The following ZSWIM8 variants were observed in gnomAD, a reference collection of about 807,000 sequenced individuals.
ZSWIM8 encodes zinc finger SWIM domain-containing protein 8.
ZSWIM8 carries 27 observed loss-of-function variants against 173.7 expected under a neutral mutation model. That is an observed-to-expected ratio of 0.16 (90% confidence interval 0.11 to 0.21). ZSWIM8 has a LOEUF of 0.21. ZSWIM8 is among the 10% of genes least tolerant of loss of function. The pLI, the probability that ZSWIM8 is intolerant of heterozygous loss-of-function variation, is 1.00. For synonymous variants in ZSWIM8, 958 were observed against 962.0 expected (o/e 1.00, Z 0.08); for missense variants, 1,627 against 2,428.8 (o/e 0.67, Z 6.94).
At chr10:73,799,904 C>CTA (rs2132812816) in intron 21 of ZSWIM8, 107 bp from the exon 22 acceptor site, 8 of 1,132,082 alleles carry the variant, frequency 7.1e-6, no homozygotes, top group Non-Finnish European at 1.0e-5. Flanking sequence ...CAGAGCGAGA[C>CTA]TCTATCTCAA....
chr10:73,786,486 G>C (rs2083231564), intron 1 of ZSWIM8: 1 of 181,104 alleles, frequency 5.5e-6, no homozygotes, highest in South Asian at 1.8e-4. Flanking sequence ...AGTTCAGTCT[G>C]AGGCATACCG....
Position 73,794,842 on chromosome 10 carries a change from C to T in ZSWIM8, c.2908+203C>T, listed in dbSNP as rs548530393. 1.5e-5 allele frequency: 6 copies of T among 402,184 alleles called. No individual in the cohort carries two copies. In the East Asian group the frequency reaches 3.2e-4, roughly 21 times the overall value. The allele number at this position is 402,184 out of a possible 1,614,324, so 24.9% of individuals were successfully genotyped here. On this transcript the variant is annotated intron_variant, in intron 14 of 25. Transcript: ENST00000604729. ...GTGGCCCATGCTTGTAATCGCAGCGCTTTGGGAGGCTGAAGCAGGAGGATT... is the reference window on the plus strand; with the variant it reads ...GTGGCCCATGCTTGTAATCGCAGCGTTTTGGGAGGCTGAAGCAGGAGGATT...
At chr10:73,787,763 G>A (rs191644487) in intron 1 of ZSWIM8, among the ~76,000 whole-genome samples, 2 of 152,242 alleles carry the variant, frequency 1.3e-5, no homozygotes, top group East Asian at 1.9e-4. Flanking sequence ...TGAGGTGGGA[G>A]GTAAGTTTGA....
chr10:73,788,952 TG>T, intron 2 of ZSWIM8, 129 bp downstream of exon 2: 1 of 1,416,210 alleles, frequency 7.1e-7, no homozygotes, highest in Non-Finnish European at 9.7e-7. Flanking sequence ...AGGGATTGCC[TG>T]GGATTCCACT....
Position 73,789,574 on chromosome 10 carries a change from A to G in ZSWIM8, c.630+35A>G. The G allele has an allele frequency of 6.2e-7, 1 of 1,602,334 alleles. No homozygotes were observed. The highest frequency in any genetic ancestry group is 8.5e-7 in the Non-Finnish European group (1 of 1,175,176). ...TCCCAATTTATCCCGGCCCTATCCT[A>G]CACTCCATCCCCCCCTTCTCTGCTG... On this transcript the variant is annotated intron_variant, in intron 4 of 25. Transcript: ENST00000604729. This position sits in a 1 kb window ranked among gnomAD's most constrained non-coding sequence, Gnocchi z 6.8.
intron 1 of ZSWIM8, among the ~76,000 whole-genome samples, chr10:73,787,333 A>G (rs2083263674): frequency 6.6e-6 from 1 of 152,126 alleles, no homozygotes; most frequent in Admixed American, 6.5e-5. Context: ...ACAAACACAC[A>G]CAGATCATAG....
At position 73,785,832 on chromosome 10, in the gene ZSWIM8, G is replaced by A; in HGVS notation, c.-47G>A. 6.8e-7 allele frequency: 1 copy of A among 1,461,560 alleles called. No individual in the cohort carries two copies. The highest frequency in any genetic ancestry group is 1.5e-5 in the African/African-American group (1 of 67,658). The allele number at this position is 1,461,560 out of a possible 1,614,324, so 90.5% of individuals were successfully genotyped here. The stretch of plus-strand genomic sequence containing the variant: ...CCTCAACCCCCGGCCGGCGGCCCAG[G>A]CCCCGGATCCGCGGGGGGGGACCCG... On this transcript the variant is annotated 5_prime_UTR_variant, in exon 1 of 26. Transcript: ENST00000604729.
At chr10:73,790,471 C>A (rs1366506340) in intron 7 of ZSWIM8, among the ~76,000 whole-genome samples, 179 bp downstream of exon 7, 1 of 152,236 alleles carries the variant, frequency 6.6e-6, no homozygotes, top group Non-Finnish European at 1.5e-5. Context: ...CTTGTACAGT[C>A]ACAGAGTGGT....
Position 73,801,565 on chromosome 10 carries a change from A to C in ZSWIM8, c.*46A>C, listed in dbSNP as rs373036991. The C allele has an allele frequency of 6.2e-7, 1 of 1,601,104 alleles. No individual in the cohort carries two copies. The highest frequency in any genetic ancestry group is 1.1e-5 in the South Asian group (1 of 89,858). On this transcript the variant is annotated 3_prime_UTR_variant, in exon 26 of 26. Transcript: ENST00000604729. This position sits in a 1 kb window ranked among gnomAD's most constrained non-coding sequence, Gnocchi z 4.9. The stretch of plus-strand genomic sequence containing the variant: ...TATACAGGGACCCAGGCCTGTGGCT[A>C]TGGGGGCCCCTCACACAGGGGGAGT...
rs2083474868 is a variant in ZSWIM8 at position 73,792,984 on chromosome 10, C to T, written c.2313+132C>T. ...CCTGTTGCAGGCGCCGAACTGGTCT[C>T]CCTGCTTTCAGTCTACTCACTTTTC... On this transcript the variant is annotated intron_variant, in intron 10 of 25. Coordinates refer to ENST00000604729, the MANE Select transcript of ZSWIM8 (RefSeq NM_001367799.1). The surrounding 1 kb of genome is among the most constrained non-coding windows in gnomAD (Gnocchi z 4.3). 2.7e-6 allele frequency: 3 copies of T among 1,111,988 alleles called. No homozygotes were observed. Among genetic ancestry groups the T allele is most frequent in the Non-Finnish European group, 3.8e-6 (3 of 796,536 alleles). 68.9% of individuals were successfully genotyped at this position (1,111,988 alleles called of 1,614,324 possible).
chr10:73,794,130 C>T lies in ZSWIM8; in HGVS notation c.2626-17C>T. ...TATTGACACACCAGAGGTCTGAGCT[C>T]CTTCCTGTGCCCTCAGGTGAAGCTG... On this transcript the variant is annotated splice_polypyrimidine_tract_variant and intron_variant, in intron 12 of 25. Transcript: ENST00000604729. 1.2e-6 allele frequency: 2 copies of T among 1,613,686 alleles called. No homozygotes were observed. Among genetic ancestry groups the T allele is most frequent in the East Asian group, 2.2e-5 (1 of 44,870 alleles).
At chr10:73,790,878 T>G in intron 7 of ZSWIM8, 97 bp from the exon 8 acceptor site, 2 of 1,237,074 alleles carry the variant, frequency 1.6e-6, no homozygotes, top group Non-Finnish European at 2.2e-6. Flanking sequence ...CAGATGTCTT[T>G]TTCCCTCTAT....
At chr10:73,787,536 G>A (rs1011942150) in intron 1 of ZSWIM8, among the ~76,000 whole-genome samples, 1 of 152,118 alleles carries the variant, frequency 6.6e-6, no homozygotes, top group African/African-American at 2.4e-5. Context: ...CCAGTCCCCC[G>A]ACTTCAGTCA....
Position 73,792,894 on chromosome 10 carries a change from ACAACTGGGAGG to A in ZSWIM8, c.2313+43_2313+53del, listed in dbSNP as rs773260114. 4.7e-5 allele frequency: 71 copies of A among 1,510,518 alleles called. No individual in the cohort carries two copies. The African/African-American group carries it at 9.3e-4, about 20-fold the overall frequency. The allele number at this position is 1,510,518 out of a possible 1,614,324, so 93.6% of individuals were successfully genotyped here. ...AGGGAGGGCTGGGTGCTCCTTAGCC[ACAACTGGGAGG>A]GGCTATCTAGCTCTAGTTGGGAGTG... On this transcript the variant is annotated intron_variant, in intron 10 of 25. Coordinates refer to ENST00000604729, the MANE Select transcript of ZSWIM8 (RefSeq NM_001367799.1). The surrounding 1 kb of genome is among the most constrained non-coding windows in gnomAD (Gnocchi z 4.3).
Position 73,786,101 on chromosome 10 carries a change from G to T in ZSWIM8, c.208+15G>T, listed in dbSNP as rs755737098. 2 of 1,538,366 alleles carry T rather than the reference G, an allele frequency of 1.3e-6. No homozygotes were observed. Among genetic ancestry groups the T allele is most frequent in the Admixed American group, 1.9e-5 (1 of 52,664 alleles). On this transcript the variant is annotated intron_variant, in intron 1 of 25. Coordinates refer to ENST00000604729, the MANE Select transcript of ZSWIM8 (RefSeq NM_001367799.1). Reference sequence around the variant, plus strand: ...CAGAATGCGAGGTGAGAGTGAGCTGGGGGGAAGAGGAGCGGCAGGCCCTGC... The same window carrying T: ...CAGAATGCGAGGTGAGAGTGAGCTGTGGGGAAGAGGAGCGGCAGGCCCTGC...
In ZSWIM8 at chr10:73,796,781, A is replaced by G; in HGVS notation, c.3041A>G (p.Asp1014Gly). The change falls in exon 16 of 26, where the codon GAC becomes GGC. Residue 1014 changes from aspartate to glycine, a missense_variant. This residue lies in a region of ZSWIM8 where 163 missense variants were observed against 193.2 expected (regional missense o/e 0.84). Coordinates refer to ENST00000604729, the MANE Select transcript of ZSWIM8 (RefSeq NM_001367799.1). ...ACTGCTTCTGTCTTCCAGATCTTAG[A>G]CAAACTCTTGGACCGAGAGAGCCAG... ...DDQAKLKKIL[D>G]KLLDRESQTH... 1 of 1,613,238 alleles carries G rather than the reference A, an allele frequency of 6.2e-7. No individual in the cohort carries two copies. Among genetic ancestry groups the G allele is most frequent in the Non-Finnish European group, 8.5e-7 (1 of 1,179,864 alleles).
chr10:73,798,978 A>G (rs1286243637), intron 20 of ZSWIM8, 24 bp from the exon 21 acceptor site: 1 of 1,587,074 alleles, frequency 6.3e-7, no homozygotes, highest in African/African-American at 1.3e-5. Flanking sequence ...TTCCCCCTTA[A>G]CACTCTGTGC....
Position 73,796,799 on chromosome 10 carries a change from A to G in ZSWIM8, c.3059A>G (p.Glu1020Gly). 1.2e-6 allele frequency: 2 copies of G among 1,613,838 alleles called. No homozygotes were observed. The highest frequency in any genetic ancestry group is 1.7e-6 in the Non-Finnish European group (2 of 1,179,896). ...KKILDKLLDR[E>G]SQTHKPQTLS... ...ATCTTAGACAAACTCTTGGACCGAGAGAGCCAGACACATAAGCCACAGACG... is the reference window on the plus strand; with the variant it reads ...ATCTTAGACAAACTCTTGGACCGAGGGAGCCAGACACATAAGCCACAGACG... Residue 1020 changes from glutamate to glycine, a missense_variant, in exon 16 of 26, where the codon GAG becomes GGG. By Grantham distance (98) the Glu-to-Gly change is moderately conservative. Around this residue, in one of 18 missense-constraint regions of ZSWIM8, gnomAD observed 163 missense variants for 193.2 expected, o/e 0.84. Coordinates refer to ENST00000604729, the MANE Select transcript of ZSWIM8 (RefSeq NM_001367799.1).
chr10:73,800,936 G>C lies in ZSWIM8; in HGVS notation c.5123-81G>C. The C allele has an allele frequency of 7.1e-7, 1 of 1,403,616 alleles. No individual in the cohort carries two copies. The highest frequency in any genetic ancestry group is 9.7e-7 in the Non-Finnish European group (1 of 1,032,542). 86.9% of individuals were successfully genotyped at this position (1,403,616 alleles called of 1,614,324 possible). ...TGGGGTGGAGGGAGGCTCTCTGCCA[G>C]GCCAGAGCTGAGATCTGTAAGTTGG... On this transcript the variant is annotated intron_variant, in intron 24 of 25. Transcript: ENST00000604729. This position sits in a 1 kb window ranked among gnomAD's most constrained non-coding sequence, Gnocchi z 4.1.
Sources: gnomAD v4.1 joint callset for allele counts (sites outside exome capture counted in the v4.1 genomes callset) on GRCh38, gnomAD v4.1.1 for gene constraint, gnomAD v4.1.1 regional missense constraint, Gnocchi (gnomAD v3.1) non-coding constraint, MANE v1.5 for transcripts, NCBI Gene and HGNC (gene_info 2026-07-23, HGNC 2026-07-21) for gene names.